Variants in SLAIN1 observed in about 807,000 individuals in gnomAD.
The protein encoded by SLAIN1 is SLAIN motif-containing protein 1.
A neutral mutation model predicts 55.4 loss-of-function variants in SLAIN1; 17 were observed. The ratio of observed to expected loss-of-function variants is 0.31; its 90% CI spans 0.21 to 0.46. The LOEUF (loss-of-function observed/expected upper bound fraction) is 0.46, where lower values mean the gene tolerates loss of function less well. Ranked by LOEUF, SLAIN1 falls within the 20% of genes least tolerant of loss-of-function variation. SLAIN1 has a pLI of 1.00. For synonymous variants in SLAIN1, 348 were observed against 337.4 expected, an observed-to-expected ratio of 1.03 and a Z score of -0.35; for missense variants, 682 against 785.1, an observed-to-expected ratio of 0.87 and a Z score of 1.57.
At chr13:77,708,707 A>G (rs2091114816) in intron 1 of SLAIN1, among the ~76,000 whole-genome samples, 1 of 152,220 alleles carries the variant, frequency 6.6e-6, no homozygotes, top group Non-Finnish European at 1.5e-5. Flanking sequence ...ACAGAAAGGA[A>G]TAGCATCAGC....
At chr13:77,727,000 A>G (rs1410788284) in intron 2 of SLAIN1, among the ~76,000 whole-genome samples, 3 of 152,230 alleles carry the variant, frequency 2.0e-5, no homozygotes, top group Non-Finnish European at 2.9e-5. Context: ...TACAGAAAGT[A>G]ATGTTAAAAG....
At position 77,746,683 on chromosome 13, in the gene SLAIN1, A is replaced by G. The variant is rs2154410503; in HGVS notation, c.1086A>G (p.Pro362=). ...TGCCACCACCTCAGCCTCGTCTTCC[A>G]AGATGTTCCCCTTTCCAAAGAGGAA... ...DHLPPPQPRL[P]RCSPFQRGIP... Residue 362 remains proline, a synonymous_variant, in exon 4 of 7, where the codon CCA becomes CCG. Coordinates refer to ENST00000418532, the MANE Select transcript of SLAIN1 (RefSeq NM_001242868.2). The G allele has an allele frequency of 6.2e-7, 1 of 1,613,822 alleles. No homozygotes were observed.
rs2091241628 is a variant in SLAIN1 at position 77,719,562 on chromosome 13, C to T, written c.657C>T (p.Thr219=). ...ACATTGGCTCTTCAAAGACGTTCAC[C>T]TCATCAGAGAAATCCCTGACTCCTT... The part of the protein sequence containing the change: ...WLYIGSSKTF[T]SSEKSLTPLQ... Residue 219 remains threonine (T), a synonymous_variant, in exon 2 of 7, where the codon ACC becomes ACT. Coordinates refer to ENST00000418532, the MANE Select transcript of SLAIN1 (RefSeq NM_001242868.2). The T allele has an allele frequency of 6.2e-6, 10 of 1,612,898 alleles. No homozygotes were observed. Among genetic ancestry groups the T allele is most frequent in the Admixed American group, 1.7e-5 (1 of 59,894 alleles).
rs979904184 is a variant in SLAIN1, at chr13:77,698,666, G to A, written c.626+127G>A. On this transcript the variant is annotated intron_variant, in intron 1 of 6. Transcript: ENST00000418532. The surrounding 1 kb of genome is among the most constrained non-coding windows in gnomAD (Gnocchi z 4.1). Reference sequence around the variant, plus strand: ...GGGGTGACTCCCCGCGGCTCCCGGAGGGGCCGACCCAGCAGGTGTTGAGCC... The same window carrying A: ...GGGGTGACTCCCCGCGGCTCCCGGAAGGGCCGACCCAGCAGGTGTTGAGCC... 2.4e-6 allele frequency: 3 copies of A among 1,276,006 alleles called. No homozygotes were observed. Among genetic ancestry groups the A allele is most frequent in the Middle Eastern group, 2.9e-4 (1 of 3,408 alleles). The allele number at this position is 1,276,006 out of a possible 1,614,324, so 79.0% of individuals were successfully genotyped here.
rs143791365 is a variant in SLAIN1, at chr13:77,753,279, G to T, written c.1335G>T (p.Pro445=). 1.9e-5 allele frequency: 30 copies of T among 1,612,860 alleles called. No individual in the cohort carries two copies. The East Asian group carries it at 6.2e-4, about 34-fold the overall frequency. ...TTAISSNISS[P]VTVRNSQSFD... is the part of the protein sequence containing the mutation. ...CCATTAGTAGCAACATTAGTTCTCC[G>T]GTCACCGTGCGAAATAGTCAGAGTT... is the stretch of plus-strand genomic sequence containing the variant. The change falls in exon 5 of 7, where the codon CCG becomes CCT. Residue 445 remains proline, a synonymous_variant. Coordinates refer to ENST00000418532, the MANE Select transcript of SLAIN1 (RefSeq NM_001242868.2).
Position 77,719,611 on chromosome 13 carries a change from G to A in SLAIN1, c.706G>A (p.Asp236Asn). Residue 236 changes from aspartate (D) to asparagine (N), a missense_variant, in exon 2 of 7, where the codon GAT becomes AAT. By Grantham distance (23) the Asp-to-Asn change is conservative. Around this residue, in one of 3 missense-constraint regions of SLAIN1, gnomAD observed 401 missense variants for 417.3 expected, o/e 0.96. Coordinates refer to ENST00000418532, the MANE Select transcript of SLAIN1 (RefSeq NM_001242868.2). ...TPLQWCRHVL[D>N]NPTPEMEAAR... ...TTTGCAGTGGTGTAGACATGTCCTA[G>A]ATAACCCAACTCCTGAGATGGAAGC... 6.2e-7 allele frequency: 1 copy of A among 1,613,556 alleles called. No individual in the cohort carries two copies. The highest frequency in any genetic ancestry group is 8.5e-7 in the Non-Finnish European group (1 of 1,179,654).
chr13:77,754,283 C>T (rs1022199923), intron 5 of SLAIN1, among the ~76,000 whole-genome samples: 2 of 152,156 alleles, frequency 1.3e-5, no homozygotes, highest in Admixed American at 6.5e-5. Flanking sequence ...TCTTTCATTT[C>T]TTTATGTTTT....
At chr13:77,738,905 A>G (rs1873271966) in intron 2 of SLAIN1, among the ~76,000 whole-genome samples, 1 of 152,114 alleles carries the variant, frequency 6.6e-6, no homozygotes, top group South Asian at 2.1e-4. Context: ...AAATGGCAGC[A>G]TTTCCAGAAT....
At chr13:77,753,404 A>G (rs1371718555) in intron 5 of SLAIN1, 46 bp downstream of exon 5, 3 of 1,000,148 alleles carry the variant, frequency 3.0e-6, no homozygotes, top group Non-Finnish European at 3.9e-6. Context: ...TAATTGTATA[A>G]TTTTTTATAA....
intron 2 of SLAIN1, among the ~76,000 whole-genome samples, chr13:77,727,430 A>T (rs1418930577): frequency 7.0e-6 from 1 of 141,894 alleles, no homozygotes; most frequent in Non-Finnish European, 1.5e-5. Flanking sequence ...AAATTTTTTA[A>T]GTTGGGCAAA....
chr13:77,732,775 C>G (rs986545961), intron 2 of SLAIN1, among the ~76,000 whole-genome samples: 1 of 151,796 alleles, frequency 6.6e-6, no homozygotes, highest in African/African-American at 2.4e-5. Context: ...TGGATTTGAT[C>G]TGGTGTGCTT....
intron 2 of SLAIN1, among the ~76,000 whole-genome samples, chr13:77,723,632 G>A (rs574322452): frequency 1.6e-4 from 24 of 152,096 alleles, no homozygotes; most frequent in Middle Eastern, 3.4e-3. Flanking sequence ...GTTCAGCACC[G>A]TTCTTATTTC....
At chr13:77,746,391 G>A in intron 3 of SLAIN1, 123 bp from the exon 4 acceptor site, 1 of 779,466 alleles carries the variant, frequency 1.3e-6, no homozygotes, top group Non-Finnish European at 2.0e-6. Flanking sequence ...GTAAACTTGA[G>A]AACAAGATAA....
intron 2 of SLAIN1, among the ~76,000 whole-genome samples, chr13:77,734,737 G>A (rs146136401): frequency 5.6e-4 from 86 of 152,220 alleles, no homozygotes; most frequent in African/African-American, 1.9e-3. Context: ...AATGTAGAAT[G>A]TTGGCTGGGC....
intron 4 of SLAIN1, among the ~76,000 whole-genome samples, chr13:77,751,147 C>G (rs949453669): frequency 1.3e-5 from 2 of 151,952 alleles, no homozygotes; most frequent in African/African-American, 2.4e-5. Context: ...AGAAAATGAC[C>G]ACAAGATTGA....
At chr13:77,750,005 GAT>G (rs903980663) in intron 4 of SLAIN1, among the ~76,000 whole-genome samples, 2 of 152,136 alleles carry the variant, frequency 1.3e-5, no homozygotes, top group African/African-American at 4.8e-5. Flanking sequence ...GCTTGTGAAA[GAT>G]ATTCTTGGGA....
At position 77,719,698 on chromosome 13, in the gene SLAIN1, T is replaced by C. The variant is rs753423082; in HGVS notation, c.766+27T>C. On this transcript the variant is annotated intron_variant, in intron 2 of 6. Coordinates refer to ENST00000418532, the MANE Select transcript of SLAIN1 (RefSeq NM_001242868.2). ...TAATTGTGAGTGTGTGCATTTACAT[T>C]CTCCAACTCTTGTCACTCTCAGTGC... 6 of 1,605,896 alleles carry C rather than the reference T, an allele frequency of 3.7e-6. No individual in the cohort carries two copies. In the African/African-American group the frequency reaches 8.0e-5, roughly 22 times the overall value.
chr13:77,746,341 A>G (rs1873809883), intron 3 of SLAIN1, among the ~76,000 whole-genome samples, 173 bp from the exon 4 acceptor site: 1 of 152,182 alleles, frequency 6.6e-6, no homozygotes, highest in African/African-American at 2.4e-5. Flanking sequence ...TCTGTTTCAT[A>G]GGTAAATGTG....
intron 2 of SLAIN1, among the ~76,000 whole-genome samples, chr13:77,737,265 A>G (rs1365799508): frequency 6.6e-6 from 1 of 151,884 alleles, no homozygotes; most frequent in Non-Finnish European, 1.5e-5. Context: ...TATTCTCACC[A>G]AATTTTCTGC....
Sources: gnomAD v4.1 joint callset for allele counts (sites outside exome capture counted in the v4.1 genomes callset) on GRCh38, gnomAD v4.1.1 for gene constraint, gnomAD v4.1.1 regional missense constraint, Gnocchi (gnomAD v3.1) non-coding constraint, MANE v1.5 for transcripts, NCBI Gene and HGNC (gene_info 2026-07-23, HGNC 2026-07-21) for gene names.